Variants in CNTNAP5 observed in about 807,000 individuals in gnomAD.
CNTNAP5 encodes the protein contactin associated protein family member 5.
A neutral mutation model predicts 150.2 loss-of-function variants in CNTNAP5; 72 were observed. That is an observed-to-expected ratio of 0.48 (90% CI 0.40 to 0.58). The LOEUF (loss-of-function observed/expected upper bound fraction) is 0.58. Among genes scored for constraint, CNTNAP5 ranks in the 20% least tolerant of loss-of-function variants. The pLI is 0.00. For missense variants in CNTNAP5, 1,636 were observed against 1,626.2 expected (o/e 1.01, Z -0.10); for synonymous variants, 672 against 619.8 (o/e 1.08, Z -1.25).
chr2:124,360,360 G>T (rs1203143731), intron 3 of CNTNAP5, among the ~76,000 whole-genome samples: 1 of 148,854 alleles, frequency 6.7e-6, no homozygotes, highest in Non-Finnish European at 1.5e-5. Context: ...TATGATGTTA[G>T]CCGGTTATTA....
intron 19 of CNTNAP5, among the ~76,000 whole-genome samples, chr2:124,820,021 A>G (rs899102423): frequency 2.6e-5 from 4 of 152,180 alleles, no homozygotes; most frequent in Admixed American, 6.5e-5. Context: ...GCAGAACAAC[A>G]TGTAAGGGAG....
chr2:124,786,285 C>G (rs1681567227), intron 17 of CNTNAP5, among the ~76,000 whole-genome samples: 1 of 129,064 alleles, frequency 7.7e-6, no homozygotes, highest in African/African-American at 3.0e-5. Flanking sequence ...AATAGGCAGG[C>G]AGGAAGGAAG....
intron 3 of CNTNAP5, among the ~76,000 whole-genome samples, chr2:124,353,540 T>C (rs952648858): frequency 6.6e-6 from 1 of 152,150 alleles, no homozygotes; most frequent in Non-Finnish European, 1.5e-5. Context: ...CAGAAAACTA[T>C]AAGCCTGTCC....
Position 124,658,352 on chromosome 2 carries a change from A to G in CNTNAP5, c.2077+10394A>G, listed in dbSNP as rs557392031. Among the ~76,000 whole-genome samples, 3 of 152,232 alleles carry G rather than the reference A, an allele frequency of 2.0e-5. No individual in the cohort carries two copies. In the East Asian group the frequency reaches 5.8e-4, roughly 29 times the overall value. Reference sequence around the variant, plus strand: ...CTCCTCTTTGATACTAGAGGCTTATATTTAATGTTCTCTGAGTGTCCTTTT... The same window carrying G: ...CTCCTCTTTGATACTAGAGGCTTATGTTTAATGTTCTCTGAGTGTCCTTTT... On this transcript the variant is annotated intron_variant, in intron 13 of 23. Coordinates refer to ENST00000682447, the MANE Select transcript of CNTNAP5 (RefSeq NM_001367498.1).
At chr2:124,128,273 A>G (rs1377127268) in intron 1 of CNTNAP5, among the ~76,000 whole-genome samples, 1 of 152,246 alleles carries the variant, frequency 6.6e-6, no homozygotes, top group Non-Finnish European at 1.5e-5. Flanking sequence ...ACACTACCCC[A>G]AAGAAGACAT....
chr2:124,866,840 A>C (rs1333457092), intron 20 of CNTNAP5, among the ~76,000 whole-genome samples: 1 of 151,126 alleles, frequency 6.6e-6, no homozygotes, highest in Non-Finnish European at 1.5e-5. Flanking sequence ...ACCATTTTAC[A>C]CTCTCTCCTC....
chr2:124,192,226 C>G (rs1333568146), intron 1 of CNTNAP5, among the ~76,000 whole-genome samples: 1 of 152,138 alleles, frequency 6.6e-6, no homozygotes, highest in African/African-American at 2.4e-5. Context: ...CAAGGGCAGA[C>G]AAGGGCTTGG....
intron 21 of CNTNAP5, among the ~76,000 whole-genome samples, chr2:124,881,215 A>C (rs1677957522): frequency 6.6e-6 from 1 of 152,118 alleles, no homozygotes; most frequent in Non-Finnish European, 1.5e-5. Flanking sequence ...AACAAGCAAG[A>C]TAGAGGAAAG....
At chr2:124,100,756 T>A (rs1683044867) in intron 1 of CNTNAP5, among the ~76,000 whole-genome samples, 1 of 149,404 alleles carries the variant, frequency 6.7e-6, no homozygotes, top group Non-Finnish European at 1.5e-5. Context: ...TCCCAGCTAC[T>A]GGGGAGGCTG....
intron 13 of CNTNAP5, among the ~76,000 whole-genome samples, chr2:124,718,406 A>G (rs1353167553): frequency 6.6e-6 from 1 of 152,108 alleles, no homozygotes; most frequent in Non-Finnish European, 1.5e-5. Context: ...TCATCAGTTA[A>G]TGTCCCTGAC....
chr2:124,674,081 C>T (rs140988598), intron 13 of CNTNAP5, among the ~76,000 whole-genome samples: 3 of 152,230 alleles, frequency 2.0e-5, no homozygotes, highest in African/African-American at 7.2e-5. Flanking sequence ...TCTTTCATCC[C>T]TGTTTTAGTG....
In CNTNAP5 at chr2:124,491,613, A is replaced by G. The variant is rs1198181557; in HGVS notation, c.1063-12679A>G. Among the ~76,000 whole-genome samples, 3 of 152,148 alleles carry G rather than the reference A, an allele frequency of 2.0e-5. 1 individual carries two copies. Among genetic ancestry groups the G allele is most frequent in the Admixed American group, 2.0e-4 (3 of 15,266 alleles). On this transcript the variant is annotated intron_variant, in intron 7 of 23. Transcript: ENST00000682447. Reference sequence around the variant, plus strand: ...CATTTCTTTCAGATGTATACTCAGAAGTGGAATTGCTAATATGGCAGATCT... The same window carrying G: ...CATTTCTTTCAGATGTATACTCAGAGGTGGAATTGCTAATATGGCAGATCT...
intron 1 of CNTNAP5, among the ~76,000 whole-genome samples, chr2:124,163,185 T>A (rs1276447753): frequency 6.6e-6 from 1 of 152,068 alleles, no homozygotes; most frequent in Non-Finnish European, 1.5e-5. Flanking sequence ...AGAAATGAGA[T>A]CATGAGGAAC....
At chr2:124,717,135 C>A (rs1471368041) in intron 13 of CNTNAP5, among the ~76,000 whole-genome samples, 1 of 152,092 alleles carries the variant, frequency 6.6e-6, no homozygotes, top group Non-Finnish European at 1.5e-5. Flanking sequence ...GATGCCATTT[C>A]CAGAGTAGGG....
intron 13 of CNTNAP5, among the ~76,000 whole-genome samples, chr2:124,725,515 C>A (rs908147318): frequency 6.7e-6 from 1 of 149,426 alleles, no homozygotes; most frequent in African/African-American, 2.5e-5. Flanking sequence ...CTCTCCTTTC[C>A]TCTTCTCTCC....
At chr2:124,124,705 A>G (rs1683644847) in intron 1 of CNTNAP5, among the ~76,000 whole-genome samples, 1 of 152,252 alleles carries the variant, frequency 6.6e-6, no homozygotes, top group Non-Finnish European at 1.5e-5. Flanking sequence ...TCAGACTAAC[A>G]GCAGATCTCT....
At chr2:124,316,133 T>A (rs1688953042) in intron 3 of CNTNAP5, among the ~76,000 whole-genome samples, 1 of 152,168 alleles carries the variant, frequency 6.6e-6, no homozygotes, top group South Asian at 2.1e-4. Flanking sequence ...CCATAATTAT[T>A]TGGGCCAGCA....
intron 3 of CNTNAP5, among the ~76,000 whole-genome samples, chr2:124,308,668 T>C (rs922837569): frequency 6.6e-6 from 1 of 152,186 alleles, no homozygotes; most frequent in African/African-American, 2.4e-5. Context: ...GAACTGTAGA[T>C]TTATCTTCTA....
intron 21 of CNTNAP5, among the ~76,000 whole-genome samples, chr2:124,890,913 G>A (rs1207602273): frequency 6.6e-6 from 1 of 152,052 alleles, no homozygotes. Context: ...AGAATATAGT[G>A]TATAAACAAG....
Sources: gnomAD v4.1 joint callset for allele counts (sites outside exome capture counted in the v4.1 genomes callset) on GRCh38, gnomAD v4.1.1 for gene constraint, MANE v1.5 for transcripts, NCBI Gene and HGNC (gene_info 2026-07-23, HGNC 2026-07-21) for gene names.